RAI14: variants seen among roughly 807,000 people sequenced by gnomAD.
RAI14 encodes the protein retinoic acid induced 14.
Under a neutral mutation model 115.4 loss-of-function variants are expected in RAI14, and 45 were observed. That is an observed-to-expected ratio of 0.39 (90% CI 0.31 to 0.50). RAI14 has a LOEUF of 0.50. Among genes scored for constraint, RAI14 ranks in the 20% least tolerant of loss-of-function variants. The pLI, the probability that RAI14 is intolerant of heterozygous loss-of-function variation, is 0.85. For missense variants in RAI14, 939 were observed against 1,131.2 expected (o/e 0.83, Z 2.44); for synonymous variants, 371 against 415.4 (o/e 0.89, Z 1.30).
At chr5:34,719,595 GTTACCGT>G in intron 2 of RAI14, among the ~76,000 whole-genome samples, 1 of 152,206 alleles carries the variant, frequency 6.6e-6, no homozygotes, top group Non-Finnish European at 1.5e-5. Flanking sequence ...TCTTCCCTGA[GTTACCGT>G]GGTTGCACGC....
intron 4 of RAI14, among the ~76,000 whole-genome samples, chr5:34,802,638 G>C (rs1009157599): frequency 6.6e-6 from 1 of 152,130 alleles, no homozygotes; most frequent in Non-Finnish European, 1.5e-5. Context: ...GGAATCAACA[G>C]GGGTGTCTGT....
intron 3 of RAI14, among the ~76,000 whole-genome samples, chr5:34,784,411 A>G (rs1752037414): frequency 6.6e-6 from 1 of 152,232 alleles, no homozygotes; most frequent in African/African-American, 2.4e-5. Context: ...TTTGTTTAGG[A>G]AAATGATTAT....
chr5:34,663,970 G>A (rs1023714198), intron 1 of RAI14, among the ~76,000 whole-genome samples: 1 of 152,088 alleles, frequency 6.6e-6, no homozygotes, highest in Non-Finnish European at 1.5e-5. Flanking sequence ...GTAGTGAATG[G>A]CATTCACTGG....
At chr5:34,800,704 G>A (rs1038571537) in intron 4 of RAI14, among the ~76,000 whole-genome samples, 3 of 152,120 alleles carry the variant, frequency 2.0e-5, no homozygotes, top group Admixed American at 6.5e-5. Context: ...ATAGAAACCC[G>A]GCACTTCCAG....
In RAI14 at chr5:34,765,766, C is replaced by T. The variant is rs180862576; in HGVS notation, c.167+8168C>T. Reference sequence around the variant, plus strand: ...AAGTAGCAAGGAGCCTTCCCAAGACCATGGGGAAAATGTCTCCAGGCCATG... The same window carrying T: ...AAGTAGCAAGGAGCCTTCCCAAGACTATGGGGAAAATGTCTCCAGGCCATG... On this transcript the variant is annotated intron_variant, in intron 3 of 17. Transcript: ENST00000265109. Among the ~76,000 whole-genome samples the T allele has an allele frequency of 3.9e-5, 6 of 152,264 alleles. No individual in the cohort carries two copies. In the East Asian group the frequency reaches 1.2e-3, roughly 29 times the overall value.
At chr5:34,764,524 G>A (rs1282295696) in intron 3 of RAI14, among the ~76,000 whole-genome samples, 8 of 147,400 alleles carry the variant, frequency 5.4e-5, no homozygotes, top group Non-Finnish European at 1.0e-4. Flanking sequence ...GGCCCAGGAA[G>A]CACAGGTGAA....
At chr5:34,826,299 G>A in intron 15 of RAI14, 31 bp from the exon 16 acceptor site, 1 of 1,593,948 alleles carries the variant, frequency 6.3e-7, no homozygotes, top group Non-Finnish European at 8.6e-7. Flanking sequence ...ACATGTTACT[G>A]TCTGCTAATA....
intron 3 of RAI14, among the ~76,000 whole-genome samples, chr5:34,792,837 G>T (rs879608860): frequency 2.1e-4 from 32 of 152,176 alleles, no homozygotes; most frequent in Non-Finnish European, 5.9e-5. Context: ...AGTAAGTGAT[G>T]CAGCTTTAGG....
At chr5:34,730,654 A>C (rs908126106) in intron 2 of RAI14, among the ~76,000 whole-genome samples, 12 of 152,042 alleles carry the variant, frequency 7.9e-5, no homozygotes, top group African/African-American at 2.7e-4. Flanking sequence ...CCAGCTTGGG[A>C]GACAAACTGA....
At chr5:34,829,904 G>T in intron 17 of RAI14, 107 bp downstream of exon 17, 3 of 961,024 alleles carry the variant, frequency 3.1e-6, no homozygotes, top group Non-Finnish European at 4.7e-6. Context: ...AATTAGAGGA[G>T]AATCCTTTTC....
At chr5:34,721,787 T>A (rs905400601) in intron 2 of RAI14, among the ~76,000 whole-genome samples, 10 of 152,162 alleles carry the variant, frequency 6.6e-5, no homozygotes, top group Admixed American at 6.5e-4. Flanking sequence ...CTATGCTCAC[T>A]GCAGCCTCTG....
intron 2 of RAI14, among the ~76,000 whole-genome samples, chr5:34,690,362 C>T (rs1387505964): frequency 6.6e-6 from 1 of 152,120 alleles, no homozygotes; most frequent in Non-Finnish European, 1.5e-5. Context: ...AAGATAATAG[C>T]AGATCAGGTT....
In RAI14 at chr5:34,824,468, C is replaced by A; in HGVS notation, c.2626C>A (p.Leu876Met). The A allele has an allele frequency of 6.3e-7, 1 of 1,580,264 alleles. No individual in the cohort carries two copies. The stretch of plus-strand genomic sequence containing the variant: ...AAGATACGCTGAGAGCTCTTCAAAA[C>A]TGGAGGAAGATAAAGATAAAAAGGT... ...MKRYAESSSKLEEDKDKKINE... is the reference protein window; with the variant it reads ...MKRYAESSSKMEEDKDKKINE... Residue 876 changes from leucine to methionine, a missense_variant, in exon 15 of 18, where the codon CTG becomes ATG. By Grantham distance (15) the Leu-to-Met change is conservative. Transcript: ENST00000265109.
chr5:34,685,579 A>G (rs919483423), intron 1 of RAI14: 2 of 152,050 alleles, frequency 1.3e-5, no homozygotes, highest in Admixed American at 6.5e-5. Context: ...ATTAAAAAAA[A>G]AAAAACTATA....
chr5:34,705,210 T>C (rs1419390972), intron 2 of RAI14, among the ~76,000 whole-genome samples: 1 of 152,148 alleles, frequency 6.6e-6, no homozygotes, highest in Non-Finnish European at 1.5e-5. Flanking sequence ...ACTCTAAATC[T>C]CCTGAAATCT....
chr5:34,789,365 A>G (rs909706431), intron 3 of RAI14, among the ~76,000 whole-genome samples: 7 of 152,224 alleles, frequency 4.6e-5, no homozygotes, highest in African/African-American at 1.7e-4. Flanking sequence ...TCTTATTCAA[A>G]GTTGGCTATG....
At chr5:34,808,904 G>T (rs944360422) in intron 7 of RAI14, among the ~76,000 whole-genome samples, 1 of 152,140 alleles carries the variant, frequency 6.6e-6, no homozygotes, top group East Asian at 1.9e-4. Context: ...TCACAATAGG[G>T]TTTGTGCTCC....
At chr5:34,803,554 C>CA (rs1030596313) in intron 4 of RAI14, among the ~76,000 whole-genome samples, 158 bp from the exon 5 acceptor site, 1 of 128,706 alleles carries the variant, frequency 7.8e-6, no homozygotes, top group Non-Finnish European at 1.8e-5. Flanking sequence ...GAGACCCTGT[C>CA]TCAAAAAACA....
At chr5:34,779,533 T>A (rs1751339642) in intron 3 of RAI14, among the ~76,000 whole-genome samples, 1 of 152,204 alleles carries the variant, frequency 6.6e-6, no homozygotes, top group Non-Finnish European at 1.5e-5. Context: ...AGTCTCAGGA[T>A]ACAAAATCAA....
Sources: allele counts gnomAD v4.1 joint callset (sites outside exome capture counted in the v4.1 genomes callset), GRCh38; gene constraint gnomAD v4.1.1; transcripts MANE v1.5; gene names NCBI Gene and HGNC (gene_info 2026-07-23, HGNC 2026-07-21).